The following EPB41L5 variants were observed in gnomAD, a reference collection of about 807,000 sequenced individuals.
EPB41L5 encodes the protein band 4.1-like protein 5.
EPB41L5 carries 55 observed loss-of-function variants against 106.6 expected under a neutral mutation model. That is an observed-to-expected ratio of 0.52 (90% CI 0.42 to 0.65). The LOEUF (loss-of-function observed/expected upper bound fraction) is 0.65. Among genes scored for constraint, EPB41L5 ranks in the 30% least tolerant of loss-of-function variants. The pLI, the probability that EPB41L5 is intolerant of heterozygous loss-of-function variation, is 0.00. For synonymous variants in EPB41L5, 297 were observed against 306.7 expected (o/e 0.97, Z 0.33); for missense variants, 871 against 882.1 (o/e 0.99, Z 0.16).
intron 16 of EPB41L5, among the ~76,000 whole-genome samples, chr2:120,115,508 C>G (rs1037682757): frequency 6.6e-6 from 1 of 151,784 alleles, no homozygotes; most frequent in African/African-American, 2.4e-5. Context: ...GCCTCAGCCT[C>G]CTGAGTAGCT....
intron 13 of EPB41L5, among the ~76,000 whole-genome samples, chr2:120,093,028 C>G (rs937490727): frequency 2.0e-5 from 3 of 152,128 alleles, no homozygotes; most frequent in Non-Finnish European, 2.9e-5. Context: ...ATTGCTTGAG[C>G]CCAAAAGCTC....
chr2:120,085,001 A>C (rs980096860), intron 10 of EPB41L5, among the ~76,000 whole-genome samples: 2 of 152,012 alleles, frequency 1.3e-5, no homozygotes, highest in Non-Finnish European at 2.9e-5. Flanking sequence ...ACTTGTCTAC[A>C]CTAGTTATTC....
intron 3 of EPB41L5, among the ~76,000 whole-genome samples, chr2:120,048,761 T>C (rs1259259553): frequency 6.6e-6 from 1 of 152,204 alleles, no homozygotes; most frequent in African/African-American, 2.4e-5. Context: ...CAGTTTTAGA[T>C]ATTTCCTGCT....
intron 20 of EPB41L5, among the ~76,000 whole-genome samples, chr2:120,154,539 GAATT>G (rs1455675062): frequency 6.6e-6 from 1 of 152,102 alleles, no homozygotes; most frequent in African/African-American, 2.4e-5. Flanking sequence ...AGCCTAGTTT[GAATT>G]AATACTATAT....
At chr2:120,171,461 C>G (rs1687669307) in intron 24 of EPB41L5, among the ~76,000 whole-genome samples, 1 of 152,184 alleles carries the variant, frequency 6.6e-6, no homozygotes, top group African/African-American at 2.4e-5. Flanking sequence ...GGAGCCAGGC[C>G]AGAGAGGCTC....
intron 16 of EPB41L5, among the ~76,000 whole-genome samples, chr2:120,119,063 G>C (rs1489446150): frequency 6.6e-6 from 1 of 151,958 alleles, no homozygotes; most frequent in East Asian, 1.9e-4. Flanking sequence ...TTGTGGTTTT[G>C]ATTTGCATTT....
At chr2:120,121,429 C>T (rs907414815) in intron 16 of EPB41L5, among the ~76,000 whole-genome samples, 7 of 152,228 alleles carry the variant, frequency 4.6e-5, no homozygotes, top group South Asian at 2.1e-4. Flanking sequence ...CAGTTCCCAC[C>T]TATGAGTAAG....
intron 10 of EPB41L5, 102 bp from the exon 11 acceptor site, chr2:120,087,069 C>CA (rs1237123939): frequency 1.6e-6 from 1 of 644,608 alleles, no homozygotes; most frequent in Non-Finnish European, 2.6e-6. Flanking sequence ...ATTTTTAGTT[C>CA]AGGAGTTAGA....
intron 16 of EPB41L5, among the ~76,000 whole-genome samples, chr2:120,120,074 C>G (rs1685140838): frequency 6.6e-6 from 1 of 152,100 alleles, no homozygotes; most frequent in African/African-American, 2.4e-5. Flanking sequence ...ATTGTAACCT[C>G]TCATCTTGGA....
intron 17 of EPB41L5, 36 bp from the exon 18 acceptor site, chr2:120,131,582 G>A (rs1483199556): frequency 1.2e-5 from 18 of 1,491,668 alleles, no homozygotes; most frequent in Admixed American, 3.4e-5. Context: ...CAGCCTGGCA[G>A]ACTGGGGTTA....
intron 3 of EPB41L5, among the ~76,000 whole-genome samples, chr2:120,068,768 GAC>G (rs895216052): frequency 2.0e-4 from 31 of 151,970 alleles, no homozygotes; most frequent in African/African-American, 6.5e-4. Flanking sequence ...CACGGACAAA[GAC>G]ACACGCAGGC....
chr2:120,134,538 G>A (rs988376865), intron 18 of EPB41L5, among the ~76,000 whole-genome samples: 2 of 152,204 alleles, frequency 1.3e-5, no homozygotes, highest in South Asian at 4.1e-4. Context: ...CACAGTGTCA[G>A]TGGGTAGCCA....
chr2:120,020,465 C>G (rs891030128), intron 2 of EPB41L5, among the ~76,000 whole-genome samples: 1 of 152,142 alleles, frequency 6.6e-6, no homozygotes, highest in Non-Finnish European at 1.5e-5. Context: ...GTTTTGAAGT[C>G]ATCATTACGT....
intron 2 of EPB41L5, among the ~76,000 whole-genome samples, chr2:120,033,537 A>G (rs7556823): frequency 0.69 from 105,081 of 151,304 alleles, 37,832 homozygotes; most frequent in Non-Finnish European, 0.79. Flanking sequence ...GTGAAACCCC[A>G]TCTCTATTAA....
At chr2:120,019,386 G>A in intron 2 of EPB41L5, 122 bp downstream of exon 2, 1 of 794,850 alleles carries the variant, frequency 1.3e-6, no homozygotes, top group Middle Eastern at 2.9e-4. Context: ...GGTTAGTATA[G>A]ATCAGGCACT....
At chr2:120,170,516 C>A (rs1037972913) in intron 24 of EPB41L5, among the ~76,000 whole-genome samples, 1 of 152,204 alleles carries the variant, frequency 6.6e-6, no homozygotes, top group African/African-American at 2.4e-5. Context: ...AAGAAGCTGC[C>A]CTCAGTCCTT....
At chr2:120,017,892 G>A (rs1713064) in intron 1 of EPB41L5, among the ~76,000 whole-genome samples, 37,266 of 151,658 alleles carry the variant, frequency 0.25, 4,853 homozygotes, top group South Asian at 0.35. Flanking sequence ...CGCCTCCCGG[G>A]TTCACGCCAT....
chr2:120,119,351 T>C (rs1487047153), intron 16 of EPB41L5, among the ~76,000 whole-genome samples: 1 of 152,122 alleles, frequency 6.6e-6, no homozygotes, highest in South Asian at 2.1e-4. Flanking sequence ...AGAAGCTCTT[T>C]AGTTTAATTA....
chr2:120,046,641 TG>T (rs766709802), intron 3 of EPB41L5, among the ~76,000 whole-genome samples: 62 of 152,274 alleles, frequency 4.1e-4, no homozygotes, highest in Admixed American at 9.2e-4. Flanking sequence ...TTTCTTTTGC[TG>T]TGCAGAAGCT....
Sources: allele counts gnomAD v4.1 joint callset (sites outside exome capture counted in the v4.1 genomes callset), GRCh38; gene constraint gnomAD v4.1.1; transcripts MANE v1.5; gene names NCBI Gene and HGNC (gene_info 2026-07-23, HGNC 2026-07-21).